THRB: variants seen among roughly 807,000 people sequenced by gnomAD.
THRB encodes the protein nuclear receptor subfamily 1 group A member 2.
A neutral mutation model predicts 47.8 loss-of-function variants in THRB; 12 were observed. The observed-to-expected ratio is 0.25, with a 90% confidence interval of 0.16 to 0.41. The LOEUF (loss-of-function observed/expected upper bound fraction) is 0.41, where lower values mean the gene tolerates loss of function less well. Among genes scored for constraint, THRB ranks in the 10% least tolerant of loss-of-function variants. THRB has a pLI of 1.00. For missense variants in THRB, 348 were observed against 589.2 expected (o/e 0.59, Z 4.24); for synonymous variants, 218 against 212.2 (o/e 1.03, Z -0.24).
chr3:24,167,620 C>CT (rs1007600730), intron 5 of THRB, among the ~76,000 whole-genome samples: 3 of 152,082 alleles, frequency 2.0e-5, no homozygotes, highest in Non-Finnish European at 4.4e-5. Context: ...AAGCAGTTTT[C>CT]TTTTTTGGCA....
intron 3 of THRB, among the ~76,000 whole-genome samples, chr3:24,238,275 G>T (rs1412470827): frequency 6.0e-3 from 191 of 31,686 alleles, no homozygotes; most frequent in African/African-American, 0.022. Context: ...GTGTGTGTGT[G>T]TGTGGGGGGG....
At chr3:24,124,819 G>C (rs1475552923) in intron 10 of THRB, among the ~76,000 whole-genome samples, 1 of 152,208 alleles carries the variant, frequency 6.6e-6, no homozygotes, top group African/African-American at 2.4e-5. Context: ...GATAGAACTG[G>C]AGACTTGGGG....
intron 3 of THRB, among the ~76,000 whole-genome samples, chr3:24,265,103 G>A (rs1204029460): frequency 1.3e-5 from 2 of 152,174 alleles, no homozygotes; most frequent in Non-Finnish European, 2.9e-5. Context: ...TCAGTAGACT[G>A]GGGGGAAGAG....
chr3:24,245,024 G>A (rs1420568156), intron 3 of THRB, among the ~76,000 whole-genome samples: 1 of 152,168 alleles, frequency 6.6e-6, no homozygotes, highest in Admixed American at 6.5e-5. Context: ...AAGGTCAGGG[G>A]GCTATCCAGA....
intron 1 of THRB, among the ~76,000 whole-genome samples, chr3:24,433,884 A>G (rs2070690432): frequency 6.6e-6 from 1 of 152,198 alleles, no homozygotes; most frequent in Non-Finnish European, 1.5e-5. Flanking sequence ...TCACAGCCAT[A>G]ACGCTGAGGG....
chr3:24,359,010 C>T (rs1310874134), intron 1 of THRB, among the ~76,000 whole-genome samples: 2 of 152,120 alleles, frequency 1.3e-5, no homozygotes, highest in African/African-American at 4.8e-5. Flanking sequence ...AAAACTAAAA[C>T]AAAACCTTCT....
chr3:24,327,335 A>G (rs1228850683), intron 2 of THRB, among the ~76,000 whole-genome samples: 1 of 152,122 alleles, frequency 6.6e-6, no homozygotes, highest in Non-Finnish European at 1.5e-5. Context: ...TTTGTTTCTA[A>G]TTCAATCAAA....
chr3:24,365,014 A>G (rs2064353412), intron 1 of THRB, among the ~76,000 whole-genome samples: 1 of 152,212 alleles, frequency 6.6e-6, no homozygotes, highest in East Asian at 1.9e-4. Flanking sequence ...TTCCAAATAT[A>G]TACAGAATAT....
chr3:24,131,466 G>T (rs2033849745), intron 9 of THRB, among the ~76,000 whole-genome samples: 1 of 152,206 alleles, frequency 6.6e-6, no homozygotes, highest in Non-Finnish European at 1.5e-5. Context: ...CTTCTTTAGG[G>T]GTGGGGTATG....
intron 8 of THRB, among the ~76,000 whole-genome samples, chr3:24,142,455 ATGT>A (rs2035577639): frequency 6.6e-6 from 1 of 152,188 alleles, no homozygotes; most frequent in Non-Finnish European, 1.5e-5. Context: ...GGTTGTTGTT[ATGT>A]TGTTTTAAGA....
intron 2 of THRB, among the ~76,000 whole-genome samples, chr3:24,315,841 G>C (rs12639035): frequency 0.49 from 74,701 of 152,026 alleles, 18,614 homozygotes; most frequent in East Asian, 0.6. Context: ...ACAGAGAGCA[G>C]CGATAATTTG....
At chr3:24,336,312 A>G (rs1436777193) in intron 2 of THRB, among the ~76,000 whole-genome samples, 1 of 152,196 alleles carries the variant, frequency 6.6e-6, no homozygotes, top group African/African-American at 2.4e-5. Context: ...ACAATAGGCC[A>G]GAGGCCATGG....
At chr3:24,460,916 G>A (rs962813960) in intron 1 of THRB, among the ~76,000 whole-genome samples, 9 of 152,156 alleles carry the variant, frequency 5.9e-5, no homozygotes, top group African/African-American at 2.2e-4. Context: ...CATTTTAGCA[G>A]AAGATTCCAA....
At chr3:24,382,027 A>C (rs2065751274) in intron 1 of THRB, among the ~76,000 whole-genome samples, 1 of 152,154 alleles carries the variant, frequency 6.6e-6, no homozygotes, top group South Asian at 2.1e-4. Context: ...GCAAATACTG[A>C]TAAAAAAATA....
rs542275250 is a variant in THRB at position 24,491,428 on chromosome 3, G to A, written c.-261+3224C>T. The stretch of plus-strand genomic sequence containing the variant: ...ATGACTCCTTTGATATTATGCTCTG[G>A]TCACTTGAAAACTCAAATAATGCAA... On this transcript the variant is annotated intron_variant, in intron 1 of 10. Transcript: ENST00000646209. 2.0e-5 allele frequency among the ~76,000 whole-genome samples: 3 copies of A among 152,186 alleles called. No individual in the cohort carries two copies. The East Asian group carries it at 5.8e-4, about 29-fold the overall frequency.
intron 2 of THRB, among the ~76,000 whole-genome samples, chr3:24,319,740 T>C (rs1226101763): frequency 6.6e-6 from 1 of 152,070 alleles, no homozygotes; most frequent in Non-Finnish European, 1.5e-5. Context: ...ATAAACTCAA[T>C]GGACAGATCC....
chr3:24,249,147 G>A (rs2050405986), intron 3 of THRB, among the ~76,000 whole-genome samples: 1 of 152,196 alleles, frequency 6.6e-6, no homozygotes, highest in Non-Finnish European at 1.5e-5. Context: ...CAGCATGTGT[G>A]AGAAATGATA....
intron 1 of THRB, among the ~76,000 whole-genome samples, chr3:24,465,220 G>A (rs551671399): frequency 4.1e-4 from 63 of 152,164 alleles, no homozygotes; most frequent in Non-Finnish European, 7.5e-4. Context: ...ATTTTGGGTC[G>A]ATGATTTTGC....
chr3:24,490,269 T>C (rs1438940810), intron 1 of THRB, among the ~76,000 whole-genome samples: 2 of 152,216 alleles, frequency 1.3e-5, no homozygotes, highest in Non-Finnish European at 2.9e-5. Flanking sequence ...AGGAGTTAAC[T>C]TGCCATCCAT....
Sources: allele counts gnomAD v4.1 joint callset (sites outside exome capture counted in the v4.1 genomes callset), GRCh38; gene constraint gnomAD v4.1.1; transcripts MANE v1.5; gene names NCBI Gene and HGNC (gene_info 2026-07-23, HGNC 2026-07-21).